ZNF534: variants seen among roughly 807,000 people sequenced by gnomAD.
ZNF534 encodes the protein KRAB domain only 3.
In ZNF534, 19 loss-of-function variants were observed where a neutral mutation model predicts 13.6. The observed-to-expected ratio is 1.40, with a 90% confidence interval of 0.97 to 2.05. The LOEUF (loss-of-function observed/expected upper bound fraction) is 2.05. Ranked by LOEUF, ZNF534 falls within the 30% of genes most tolerant of loss-of-function variation. The pLI is 0.00. For synonymous variants in ZNF534, 244 were observed against 273.8 expected, an observed-to-expected ratio of 0.89 and a Z score of 1.07; for missense variants, 782 against 796.3, an observed-to-expected ratio of 0.98 and a Z score of 0.22.
chr19:52,437,825 C>T lies in ZNF534; in HGVS notation c.365C>T (p.Pro122Leu), dbSNP rs751329444. 1 of 1,613,410 alleles carries T rather than the reference C, an allele frequency of 6.2e-7. No homozygotes were observed. Among genetic ancestry groups the T allele is most frequent in the Non-Finnish European group, 8.5e-7 (1 of 1,179,668 alleles). Residue 122 changes from proline (P) to leucine (L), a missense_variant, in exon 5 of 5, where the codon CCA becomes CTA. By Grantham distance (98) the Pro-to-Leu change is moderately conservative. Around this residue, in one of 5 missense-constraint regions of ZNF534, gnomAD observed 591 missense variants for 574.0 expected, o/e 1.03. Transcript: ENST00000433050. ...TLQLHLTEWQ[P>L]FQAVRNIYGC... The stretch of plus-strand genomic sequence containing the variant: ...CAGTTACATCTGACTGAATGGCAGC[C>T]ATTTCAAGCTGTAAGGAATATTTAT...
Position 52,439,832 on chromosome 19 carries a change from G to T in ZNF534, c.*386G>T, listed in dbSNP as rs1009957481. Among the ~76,000 whole-genome samples, 1 of 152,090 alleles carries T rather than the reference G, an allele frequency of 6.6e-6. No individual in the cohort carries two copies. Among genetic ancestry groups the T allele is most frequent in the Non-Finnish European group, 1.5e-5 (1 of 68,022 alleles). On this transcript the variant is annotated 3_prime_UTR_variant, in exon 5 of 5. Coordinates refer to ENST00000433050, the MANE Select transcript of ZNF534 (RefSeq NM_001143938.3). Reference sequence around the variant, plus strand: ...GCCTTTAATCCCAGTACTTTGGGAGGCCAAGGTGGCCAGATCACCTGAGGT... The same window carrying T: ...GCCTTTAATCCCAGTACTTTGGGAGTCCAAGGTGGCCAGATCACCTGAGGT...
rs538672284 is a variant in ZNF534 at position 52,439,911 on chromosome 19, A to T, written c.*465A>T. Among the ~76,000 whole-genome samples, 5 of 151,744 alleles carry T rather than the reference A, an allele frequency of 3.3e-5. No individual in the cohort carries two copies. In the East Asian group the frequency reaches 7.8e-4, roughly 24 times the overall value. On this transcript the variant is annotated 3_prime_UTR_variant, in exon 5 of 5. Coordinates refer to ENST00000433050, the MANE Select transcript of ZNF534 (RefSeq NM_001143938.3). Reference sequence around the variant, plus strand: ...TGGAGAAACCCCATCTCTACTAAAAATACAAAATTAGCTGACTGAGGTGGC... The same window carrying T: ...TGGAGAAACCCCATCTCTACTAAAATTACAAAATTAGCTGACTGAGGTGGC...
exon 5 of ZNF534, chr19:52,451,448 C>T (rs1262172390): frequency 3.3e-6 from 2 of 615,254 alleles, no homozygotes; most frequent in East Asian, 3.0e-5. Flanking sequence ...CCGCACGCCC[C>T]GGACGCTGTC....
intron 1 of ZNF534, among the ~76,000 whole-genome samples, chr19:52,429,471 T>C (rs2122643221): frequency 6.8e-6 from 1 of 147,254 alleles, no homozygotes; most frequent in South Asian, 2.1e-4. Context: ...TCCTGGCACT[T>C]TGCTATTTTT....
chr19:52,433,533 A>AT (rs770879665), intron 2 of ZNF534, among the ~76,000 whole-genome samples: 60 of 151,836 alleles, frequency 4.0e-4, no homozygotes, highest in African/African-American at 9.2e-4. Flanking sequence ...CGCCTGGCTA[A>AT]TTTTTTGTAT....
At position 52,438,488 on chromosome 19, in the gene ZNF534, C is replaced by T. The variant is rs2059145398; in HGVS notation, c.1028C>T (p.Thr343Ile). ...KVFRHKSSLT[T>I]HQTVHTGERP... The stretch of plus-strand genomic sequence containing the variant: ...TTCAGGCATAAGTCTTCCCTAACCA[C>T]TCATCAGACAGTTCATACTGGAGAG... Residue 343 changes from threonine to isoleucine, a missense_variant, in exon 5 of 5, where the codon ACT (threonine) becomes ATT (isoleucine). Thr to Ile is a moderately conservative substitution (Grantham distance 89, BLOSUM62 -1). Around this residue, in one of 5 missense-constraint regions of ZNF534, gnomAD observed 591 missense variants for 574.0 expected, o/e 1.03. Transcript: ENST00000433050. 6.3e-7 allele frequency: 1 copy of T among 1,590,464 alleles called. No homozygotes were observed. The highest frequency in any genetic ancestry group is 2.3e-5 in the East Asian group (1 of 43,904).
intron 2 of ZNF534, among the ~76,000 whole-genome samples, chr19:52,433,543 T>G (rs2122665442): frequency 6.8e-6 from 1 of 147,636 alleles, no homozygotes; most frequent in African/African-American, 2.4e-5. Flanking sequence ...ATTTTTTGTA[T>G]TTTTAGTAGA....
downstream of ZNF534, among the ~76,000 whole-genome samples, chr19:52,442,554 A>C (rs1226200746): frequency 6.6e-6 from 1 of 152,116 alleles, no homozygotes; most frequent in East Asian, 1.9e-4. Flanking sequence ...ACTCCACACT[A>C]TATTTCTGTG....
intron 4 of ZNF534, among the ~76,000 whole-genome samples, chr19:52,437,317 A>T (rs183503681): frequency 6.6e-6 from 1 of 152,252 alleles, no homozygotes; most frequent in Admixed American, 6.5e-5. Flanking sequence ...CCAACATGTT[A>T]TACAAAGTAT....
exon 5 of ZNF534, chr19:52,451,460 A>T: frequency 1.7e-6 from 1 of 591,644 alleles, no homozygotes. Context: ...GACGCTGTCC[A>T]GCGTTGGCCG....
At chr19:52,432,736 C>G (rs113178261) in intron 2 of ZNF534, among the ~76,000 whole-genome samples, 21,005 of 151,680 alleles carry the variant, frequency 0.14, 1,792 homozygotes, top group African/African-American at 0.25. Context: ...GGCTTCAAGC[C>G]ATTCTCCTGC....
intron 3 of ZNF534, 151 bp downstream of exon 3, chr19:52,434,232 A>T: frequency 8.4e-7 from 1 of 1,192,048 alleles, no homozygotes; most frequent in African/African-American, 1.5e-5. Flanking sequence ...GCAGTGGCTC[A>T]CGCCTGTAAT....
intron 2 of ZNF534, among the ~76,000 whole-genome samples, chr19:52,431,856 CT>C (rs113745068): frequency 0.12 from 16,949 of 140,024 alleles, 970 homozygotes; most frequent in East Asian, 0.25. Flanking sequence ...TGTGGAATTC[CT>C]TTTTTTTTTT....
rs912880635 is a variant in ZNF534 at position 52,436,294 on chromosome 19, C to T, written c.271+1085C>T. 7.2e-5 allele frequency among the ~76,000 whole-genome samples: 11 copies of T among 152,074 alleles called. No homozygotes were observed. The East Asian group carries it at 2.1e-3, about 29-fold the overall frequency. ...TTCACTGCCTTCTACCCTGAAGATA[C>T]CTGCTGGAAAAATACACATAGACTT... On this transcript the variant is annotated intron_variant, in intron 4 of 4. Transcript: ENST00000433050.
chr19:52,431,309 A>G (rs1599857908), intron 1 of ZNF534, 99 bp from the exon 2 acceptor site: 4 of 876,482 alleles, frequency 4.6e-6, no homozygotes, highest in East Asian at 5.3e-5. Flanking sequence ...GCAGAGGACC[A>G]TCCTTCCAGA....
intron 4 of ZNF534, among the ~76,000 whole-genome samples, chr19:52,449,407 A>T (rs1324630554): frequency 6.6e-6 from 1 of 151,542 alleles, no homozygotes; most frequent in Non-Finnish European, 1.5e-5. Flanking sequence ...GAATTGCTGG[A>T]TCATATGGTA....
At chr19:52,445,942 A>G (rs938647497), downstream of ZNF534, among the ~76,000 whole-genome samples, 2 of 152,234 alleles carry the variant, frequency 1.3e-5, no homozygotes, top group South Asian at 2.1e-4. Flanking sequence ...CAGGGAATAT[A>G]TAAATGAAAG....
At chr19:52,432,988 AT>A (rs1450564163) in intron 2 of ZNF534, among the ~76,000 whole-genome samples, 1 of 152,010 alleles carries the variant, frequency 6.6e-6, no homozygotes, top group Non-Finnish European at 1.5e-5. Flanking sequence ...CATGCCTGTA[AT>A]CCCAGCATTT....
At chr19:52,433,329 C>T (rs2059102341) in intron 2 of ZNF534, among the ~76,000 whole-genome samples, 1 of 149,120 alleles carries the variant, frequency 6.7e-6, no homozygotes, top group African/African-American at 2.5e-5. Flanking sequence ...TACTAAATGT[C>T]ACTTGATGTG....
Sources: allele counts gnomAD v4.1 joint callset (sites outside exome capture counted in the v4.1 genomes callset), GRCh38; gene constraint gnomAD v4.1.1; regional missense constraint gnomAD v4.1.1; transcripts MANE v1.5; gene names NCBI Gene and HGNC (gene_info 2026-07-23, HGNC 2026-07-21).